The following RIMS2 variants were observed in gnomAD, a reference collection of about 807,000 sequenced individuals.
The protein encoded by RIMS2 is regulating synaptic membrane exocytosis 2, also known as regulating synaptic membrane exocytosis protein 2.
A neutral mutation model predicts 174.4 loss-of-function variants in RIMS2; 59 were observed. The observed-to-expected ratio is 0.34, with a 90% CI of 0.27 to 0.42. RIMS2 has a LOEUF of 0.42. Among genes scored for constraint, RIMS2 ranks in the 10% least tolerant of loss-of-function variants. The pLI, the probability that RIMS2 is intolerant of heterozygous loss-of-function variation, is 1.00. For missense variants in RIMS2, 1,620 were observed against 1,666.3 expected (o/e 0.97, Z 0.48); for synonymous variants, 606 against 572.5 (o/e 1.06, Z -0.84).
At chr8:104,030,508 A>G (rs1003207991) in intron 19 of RIMS2, among the ~76,000 whole-genome samples, 1 of 152,200 alleles carries the variant, frequency 6.6e-6, no homozygotes, top group South Asian at 2.1e-4. Flanking sequence ...ATAAGGCCCT[A>G]CATGACCTGT....
intron 3 of RIMS2, among the ~76,000 whole-genome samples, chr8:103,807,763 C>T (rs2098659590): frequency 6.6e-6 from 1 of 151,790 alleles, no homozygotes; most frequent in Non-Finnish European, 1.5e-5. Flanking sequence ...TAGAATAGAT[C>T]TTGTTTATAT....
intron 3 of RIMS2, among the ~76,000 whole-genome samples, chr8:103,872,281 T>C (rs2099116043): frequency 6.6e-6 from 1 of 152,228 alleles, no homozygotes; most frequent in Non-Finnish European, 1.5e-5. Context: ...TCTCCTTGGC[T>C]TGTATTTCAT....
intron 3 of RIMS2, among the ~76,000 whole-genome samples, chr8:103,813,811 A>C (rs1489231803): frequency 1.3e-5 from 2 of 152,182 alleles, no homozygotes; most frequent in Non-Finnish European, 2.9e-5. Flanking sequence ...ATTGTTGGAC[A>C]GTTGGGTTGG....
At chr8:103,962,920 A>G (rs1472152483) in intron 15 of RIMS2, among the ~76,000 whole-genome samples, 1 of 152,174 alleles carries the variant, frequency 6.6e-6, no homozygotes, top group African/African-American at 2.4e-5. Flanking sequence ...TTAGTACTCA[A>G]AAATTAGGAT....
chr8:103,925,133 C>T (rs1028808288), intron 10 of RIMS2, among the ~76,000 whole-genome samples: 2 of 151,492 alleles, frequency 1.3e-5, no homozygotes, highest in African/African-American at 4.8e-5. Context: ...ATATAGCTTT[C>T]AATTATTTTC....
intron 16 of RIMS2, among the ~76,000 whole-genome samples, 170 bp from the exon 19 acceptor site, chr8:103,989,135 C>T (rs965421737): frequency 1.1e-4 from 17 of 152,180 alleles, no homozygotes; most frequent in African/African-American, 4.1e-4. Context: ...ACTTAACTGT[C>T]AACCTTCCAC....
At chr8:103,807,605 T>A (rs1263670983) in intron 3 of RIMS2, among the ~76,000 whole-genome samples, 1 of 152,142 alleles carries the variant, frequency 6.6e-6, no homozygotes, top group African/African-American at 2.4e-5. Flanking sequence ...CACTGATAAC[T>A]TGATTCACAT....
At chr8:104,214,458 T>G (rs2099120715) in intron 19 of RIMS2, among the ~76,000 whole-genome samples, 1 of 152,144 alleles carries the variant, frequency 6.6e-6, no homozygotes, top group African/African-American at 2.4e-5. Context: ...AAGATTTTTT[T>G]TTTCTTTGAG....
At chr8:103,613,305 C>T (rs1374011087) in intron 1 of RIMS2, among the ~76,000 whole-genome samples, 1 of 152,206 alleles carries the variant, frequency 6.6e-6, no homozygotes, top group Non-Finnish European at 1.5e-5. Context: ...GCAGAGGAGT[C>T]TATCCCTGTG....
At chr8:103,580,983 C>T (rs970527597) in intron 1 of RIMS2, among the ~76,000 whole-genome samples, 9 of 151,910 alleles carry the variant, frequency 5.9e-5, no homozygotes, top group African/African-American at 1.9e-4. Context: ...GCGCCCGCCA[C>T]CACGTCCAGC....
At chr8:103,641,658 T>A (rs1402781228) in intron 1 of RIMS2, among the ~76,000 whole-genome samples, 1 of 152,106 alleles carries the variant, frequency 6.6e-6, no homozygotes, top group Non-Finnish European at 1.5e-5. Flanking sequence ...GTATCCCTCA[T>A]AAGTAGATTA....
intron 1 of RIMS2, among the ~76,000 whole-genome samples, chr8:103,604,913 G>T (rs1277444958): frequency 0.016 from 997 of 62,474 alleles, 36 homozygotes; most frequent in African/African-American, 0.079. Flanking sequence ...AGACAATGGG[G>T]TTTTCTAGAT....
intron 19 of RIMS2, among the ~76,000 whole-genome samples, chr8:104,065,157 G>C (rs1008270589): frequency 3.3e-5 from 5 of 152,002 alleles, no homozygotes; most frequent in Admixed American, 2.0e-4. Context: ...GCAGGTTTTT[G>C]AGGGCCTTGT....
chr8:104,196,467 T>C (rs974376536), intron 19 of RIMS2, among the ~76,000 whole-genome samples: 4 of 152,182 alleles, frequency 2.6e-5, no homozygotes, highest in Non-Finnish European at 5.9e-5. Flanking sequence ...TACTAGTAGC[T>C]TTAATTACAT....
chr8:103,777,220 GA>G (rs1377669556), intron 3 of RIMS2, among the ~76,000 whole-genome samples: 1 of 151,920 alleles, frequency 6.6e-6, no homozygotes, highest in Admixed American at 6.6e-5. Context: ...AAGAAAAAAG[GA>G]GAAAGAATTA....
intron 1 of RIMS2, among the ~76,000 whole-genome samples, chr8:103,538,698 G>A (rs1425590193): frequency 6.6e-6 from 1 of 152,106 alleles, no homozygotes; most frequent in African/African-American, 2.4e-5. Context: ...TATATTTTTA[G>A]TAGAGACAGG....
chr8:103,625,698 T>C (rs1222552444), intron 1 of RIMS2, among the ~76,000 whole-genome samples: 3 of 152,282 alleles, frequency 2.0e-5, no homozygotes, highest in East Asian at 1.9e-4. Context: ...GTGAAAATTA[T>C]GTTAATTCAG....
intron 3 of RIMS2, among the ~76,000 whole-genome samples, chr8:103,811,763 G>C (rs937943500): frequency 1.2e-4 from 18 of 152,200 alleles, no homozygotes; most frequent in African/African-American, 3.9e-4. Flanking sequence ...GGTTTTAGGT[G>C]TGGGAACTGC....
At chr8:103,669,102 G>A (rs1335712024) in intron 1 of RIMS2, among the ~76,000 whole-genome samples, 1 of 152,146 alleles carries the variant, frequency 6.6e-6, no homozygotes, top group African/African-American at 2.4e-5. Context: ...GTTTGATGTG[G>A]CTGGGGAGGC....
Sources: gnomAD v4.1 joint callset for allele counts (sites outside exome capture counted in the v4.1 genomes callset) on GRCh38, gnomAD v4.1.1 for gene constraint, MANE v1.5 for transcripts, NCBI Gene and HGNC (gene_info 2026-07-23, HGNC 2026-07-21) for gene names.